RIT2: variants seen among roughly 807,000 people sequenced by gnomAD.
RIT2 encodes the protein Ras like without CAAX 2.
In RIT2, 24 loss-of-function variants were observed where a neutral mutation model predicts 23.7. The ratio of observed to expected loss-of-function variants is 1.01; its 90% confidence interval spans 0.73 to 1.43. The LOEUF is 1.43. Among genes scored for constraint, RIT2 ranks in the 40% most tolerant of loss-of-function variants. RIT2 has a pLI of 0.00. For synonymous variants in RIT2, 107 were observed against 91.1 expected (o/e 1.17, Z -0.99); for missense variants, 236 against 266.9 (o/e 0.88, Z 0.81).
At chr18:43,037,336 T>A (rs1912005125) in intron 1 of RIT2, among the ~76,000 whole-genome samples, 1 of 152,178 alleles carries the variant, frequency 6.6e-6, no homozygotes, top group Non-Finnish European at 1.5e-5. Flanking sequence ...TTTAAAAGTT[T>A]CCCTTATCTC....
intron 2 of RIT2, among the ~76,000 whole-genome samples, chr18:42,994,419 T>C (rs1391230960): frequency 1.3e-5 from 2 of 152,196 alleles, no homozygotes; most frequent in Admixed American, 1.3e-4. Context: ...TTCCTAGGCA[T>C]GGTTGGATAA....
intron 1 of RIT2, among the ~76,000 whole-genome samples, chr18:43,096,326 ATCG>A (rs1157670954): frequency 6.6e-6 from 1 of 151,842 alleles, no homozygotes. Context: ...GCTGGAAACT[ATCG>A]TCTTCCTTGT....
At chr18:43,013,467 C>T (rs34933152) in intron 2 of RIT2, among the ~76,000 whole-genome samples, 61,776 of 151,504 alleles carry the variant, frequency 0.41, 15,299 homozygotes, top group Non-Finnish European at 0.56. Context: ...TTTCATTATA[C>T]GCTGACAAAA....
At chr18:42,970,366 A>C (rs1910333267) in intron 3 of RIT2, among the ~76,000 whole-genome samples, 1 of 152,112 alleles carries the variant, frequency 6.6e-6, no homozygotes, top group Admixed American at 6.6e-5. Flanking sequence ...AGAAGAGTTA[A>C]GTATTAAAAA....
intron 4 of RIT2, among the ~76,000 whole-genome samples, chr18:42,780,994 TA>T (rs1486759163): frequency 6.6e-6 from 1 of 152,112 alleles, no homozygotes; most frequent in African/African-American, 2.4e-5. Context: ...AATATCTTGG[TA>T]AAAATAATCA....
rs1449048211 is a variant in RIT2 at position 42,795,051 on chromosome 18, C to T, written c.427-51331G>A. 5.9e-5 allele frequency among the ~76,000 whole-genome samples: 9 copies of T among 152,288 alleles called. No homozygotes were observed. The East Asian group carries it at 1.4e-3, about 23-fold the overall frequency. On this transcript the variant is annotated intron_variant, in intron 4 of 4. Transcript: ENST00000326695. ...AGAGATGGGCAAGAGGACCCATATC[C>T]GCTCCTGGTCGCACTGAGAGGTGAC...
intron 3 of RIT2, among the ~76,000 whole-genome samples, chr18:42,929,427 T>C (rs948683221): frequency 3.7e-4 from 57 of 152,242 alleles, no homozygotes; most frequent in Admixed American, 3.7e-3. Flanking sequence ...CAAGATAATA[T>C]AAAATTATTC....
chr18:42,822,872 G>A (rs1906191201), intron 4 of RIT2, among the ~76,000 whole-genome samples: 1 of 152,038 alleles, frequency 6.6e-6, no homozygotes, highest in East Asian at 1.9e-4. Flanking sequence ...AAAAACACTG[G>A]CCAACATCCA....
intron 1 of RIT2, among the ~76,000 whole-genome samples, chr18:43,105,566 G>C (rs1913803972): frequency 6.8e-6 from 1 of 147,594 alleles, no homozygotes; most frequent in Non-Finnish European, 1.5e-5. Flanking sequence ...ATAATCTATA[G>C]TTTTTATTTA....
At chr18:42,958,719 C>T (rs1020213285) in intron 3 of RIT2, among the ~76,000 whole-genome samples, 2 of 152,162 alleles carry the variant, frequency 1.3e-5, no homozygotes, top group Non-Finnish European at 2.9e-5. Flanking sequence ...CCTGTCTCTA[C>T]ATCTGAAATG....
intron 1 of RIT2, among the ~76,000 whole-genome samples, chr18:43,078,397 C>G (rs1240736600): frequency 6.6e-6 from 1 of 152,178 alleles, no homozygotes; most frequent in Non-Finnish European, 1.5e-5. Context: ...GTCTTCCTTC[C>G]AGGTACAGCT....
intron 1 of RIT2, among the ~76,000 whole-genome samples, chr18:43,101,617 C>T (rs1913686479): frequency 1.3e-5 from 2 of 152,146 alleles, no homozygotes; most frequent in Admixed American, 1.3e-4. Flanking sequence ...GCATGCCTGT[C>T]CCTCTTCAAA....
At chr18:42,797,636 T>C (rs1277069293) in intron 4 of RIT2, among the ~76,000 whole-genome samples, 2 of 152,152 alleles carry the variant, frequency 1.3e-5, no homozygotes, top group African/African-American at 4.8e-5. Context: ...TCTAGGACCA[T>C]TTCCTGAGTC....
chr18:42,924,265 G>A (rs1016984250), intron 3 of RIT2, among the ~76,000 whole-genome samples: 4 of 152,210 alleles, frequency 2.6e-5, no homozygotes, highest in Non-Finnish European at 5.9e-5. Context: ...TCAAAAATAT[G>A]AAAATGAATT....
At chr18:42,874,380 C>A (rs1463043668) in intron 4 of RIT2, among the ~76,000 whole-genome samples, 1 of 152,050 alleles carries the variant, frequency 6.6e-6, no homozygotes, top group Non-Finnish European at 1.5e-5. Context: ...TTTATACTTG[C>A]AGATTTGTTG....
intron 4 of RIT2, among the ~76,000 whole-genome samples, chr18:42,787,119 T>TCCCTCCC (rs1913939654): frequency 8.8e-6 from 1 of 113,798 alleles, no homozygotes; most frequent in Non-Finnish European, 1.8e-5. Context: ...CCTAATGCTA[T>TCCCTCCC]CCCTCCCCCC....
intron 4 of RIT2, among the ~76,000 whole-genome samples, chr18:42,809,125 T>C (rs1905768678): frequency 6.6e-6 from 1 of 152,114 alleles, no homozygotes; most frequent in Admixed American, 6.5e-5. Context: ...AATAGAAATA[T>C]GAAATTCGAG....
At chr18:43,110,497 A>T (rs2144252403) in intron 1 of RIT2, among the ~76,000 whole-genome samples, 1 of 152,276 alleles carries the variant, frequency 6.6e-6, no homozygotes, top group Non-Finnish European at 1.5e-5. Context: ...ACAGTGACAA[A>T]GGTCAATATT....
chr18:42,933,835 T>G (rs978152226), intron 3 of RIT2, among the ~76,000 whole-genome samples: 1 of 151,694 alleles, frequency 6.6e-6, no homozygotes, highest in Non-Finnish European at 1.5e-5. Flanking sequence ...CTGGCCAACA[T>G]GGTGAAACCC....
Sources: gnomAD v4.1 joint callset for allele counts (sites outside exome capture counted in the v4.1 genomes callset) on GRCh38, gnomAD v4.1.1 for gene constraint, MANE v1.5 for transcripts, NCBI Gene and HGNC (gene_info 2026-07-23, HGNC 2026-07-21) for gene names.